Variants in SEMA6D observed in about 807,000 individuals in gnomAD.
SEMA6D encodes semaphorin 6D, also known as semaphorin-6D.
A neutral mutation model predicts 106.6 loss-of-function variants in SEMA6D; 35 were observed. The observed-to-expected ratio is 0.33, with a 90% CI of 0.25 to 0.44. SEMA6D has a LOEUF of 0.44. Among genes scored for constraint, SEMA6D ranks in the 20% least tolerant of loss-of-function variants. SEMA6D has a pLI of 1.00. For synonymous variants in SEMA6D, 499 were observed against 487.7 expected (o/e 1.02, Z -0.31); for missense variants, 1,185 against 1,345.9 (o/e 0.88, Z 1.87).
chr15:47,653,259 A>G (rs1189495349), intron 4 of SEMA6D, among the ~76,000 whole-genome samples: 1 of 152,256 alleles, frequency 6.6e-6, no homozygotes, highest in Admixed American at 6.5e-5. Context: ...ACCTGAAGCT[A>G]TTCGCATGTA....
intron 1 of SEMA6D, among the ~76,000 whole-genome samples, chr15:47,737,082 G>T (rs1326985235): frequency 6.6e-6 from 1 of 152,014 alleles, no homozygotes; most frequent in African/African-American, 2.4e-5. Context: ...GAGGTAGGAA[G>T]GAAAAAGTAG....
chr15:47,727,516 A>G (rs1401361697), intron 1 of SEMA6D, among the ~76,000 whole-genome samples: 1 of 152,220 alleles, frequency 6.6e-6, no homozygotes. Flanking sequence ...CCTCAGGGCT[A>G]CTGTTGGCAG....
intron 4 of SEMA6D, among the ~76,000 whole-genome samples, chr15:47,633,514 A>G (rs1346735688): frequency 6.6e-6 from 1 of 152,082 alleles, no homozygotes; most frequent in Non-Finnish European, 1.5e-5. Flanking sequence ...ATTCCCCATG[A>G]GTTATGTATC....
chr15:47,371,298 A>T (rs1274978101), intron 1 of SEMA6D, among the ~76,000 whole-genome samples: 2 of 152,180 alleles, frequency 1.3e-5, no homozygotes, highest in Non-Finnish European at 2.9e-5. Context: ...CACATGTTTA[A>T]CTCCTATCTT....
At chr15:47,519,333 G>A (rs2044494895) in intron 3 of SEMA6D, among the ~76,000 whole-genome samples, 1 of 152,106 alleles carries the variant, frequency 6.6e-6, no homozygotes, top group African/African-American at 2.4e-5. Context: ...GATAGCCAGG[G>A]CATCACTAGG....
intron 3 of SEMA6D, among the ~76,000 whole-genome samples, chr15:47,516,884 A>G (rs1486239653): frequency 6.6e-6 from 1 of 152,136 alleles, no homozygotes; most frequent in Non-Finnish European, 1.5e-5. Context: ...TGAATAATTC[A>G]TTTTTTTGTA....
intron 1 of SEMA6D, among the ~76,000 whole-genome samples, chr15:47,203,058 G>T (rs904543296): frequency 6.6e-6 from 1 of 152,074 alleles, no homozygotes; most frequent in African/African-American, 2.4e-5. Flanking sequence ...TTCAAAAGGA[G>T]TCTGAACTGT....
chr15:47,712,622 T>G (rs1198447517), upstream of SEMA6D, among the ~76,000 whole-genome samples: 3 of 152,224 alleles, frequency 2.0e-5, no homozygotes, highest in African/African-American at 7.2e-5. Context: ...AGGTTTGTTT[T>G]TAAAAACCAA....
At chr15:47,397,036 G>A (rs2040234447) in intron 1 of SEMA6D, among the ~76,000 whole-genome samples, 1 of 152,102 alleles carries the variant, frequency 6.6e-6, no homozygotes, top group Admixed American at 6.5e-5. Context: ...ACAAGTGTGG[G>A]GTCCTCTTGG....
At chr15:47,349,223 C>T (rs1202517523) in intron 1 of SEMA6D, among the ~76,000 whole-genome samples, 1 of 152,056 alleles carries the variant, frequency 6.6e-6, no homozygotes, top group African/African-American at 2.4e-5. Context: ...GCAATACAGC[C>T]AGGAATATTG....
chr15:47,520,649 C>T (rs1013794940), intron 3 of SEMA6D, among the ~76,000 whole-genome samples: 1 of 152,212 alleles, frequency 6.6e-6, no homozygotes, highest in Non-Finnish European at 1.5e-5. Flanking sequence ...GAGAAGTATT[C>T]TGTGAACACC....
intron 1 of SEMA6D, chr15:47,241,324 A>C (rs2141766803): frequency 6.6e-6 from 1 of 152,280 alleles, no homozygotes; most frequent in Non-Finnish European, 1.5e-5. Context: ...AAACGACCGA[A>C]ATCAAAAGAA....
chr15:47,731,413 C>T (rs2080116614), intron 1 of SEMA6D, among the ~76,000 whole-genome samples: 1 of 151,966 alleles, frequency 6.6e-6, no homozygotes, highest in African/African-American at 2.4e-5. Context: ...ACAGCTTGTG[C>T]TTCAGAAATT....
chr15:47,229,037 C>T (rs1440274747), intron 1 of SEMA6D, among the ~76,000 whole-genome samples: 1 of 151,924 alleles, frequency 6.6e-6, no homozygotes, highest in Non-Finnish European at 1.5e-5. Context: ...TACTTTACAC[C>T]TAGGAAACTG....
At position 47,557,215 on chromosome 15, in the gene SEMA6D, A is replaced by G. The variant is rs139991288; in HGVS notation, c.-86-43650A>G. 2.1e-3 allele frequency among the ~76,000 whole-genome samples: 323 copies of G among 152,284 alleles called. 1 individual carries two copies. Among genetic ancestry groups the G allele is most frequent in the African/African-American group, 7.6e-3 (317 of 41,570 alleles). On this transcript the variant is annotated intron_variant, in intron 3 of 19. Transcript: ENST00000558014. ...TCACTTCATGTAAAATGACAGGAGT[A>G]AAGTACATGTCTGTGGGGGTGCCTG...
At chr15:47,501,079 T>C (rs2043832598) in intron 3 of SEMA6D, among the ~76,000 whole-genome samples, 1 of 152,180 alleles carries the variant, frequency 6.6e-6, no homozygotes, top group Non-Finnish European at 1.5e-5. Context: ...TGAAGGTAAT[T>C]CTGACCCCTG....
chr15:47,216,380 TA>T (rs2030604070), intron 1 of SEMA6D, among the ~76,000 whole-genome samples: 1 of 152,192 alleles, frequency 6.6e-6, no homozygotes, highest in Non-Finnish European at 1.5e-5. Context: ...CTTGGTAGTA[TA>T]TTTAAAGCCG....
At chr15:47,356,004 G>A (rs1174512167) in intron 1 of SEMA6D, among the ~76,000 whole-genome samples, 1 of 152,196 alleles carries the variant, frequency 6.6e-6, no homozygotes, top group African/African-American at 2.4e-5. Flanking sequence ...TCCAAAGAGG[G>A]ACAGTCTAAC....
chr15:47,600,616 G>A (rs1326765063), intron 3 of SEMA6D, among the ~76,000 whole-genome samples: 1 of 152,134 alleles, frequency 6.6e-6, no homozygotes, highest in Non-Finnish European at 1.5e-5. Context: ...TCTACTGGTG[G>A]ATGCTTTTCC....
Sources: gnomAD v4.1 joint callset for allele counts (sites outside exome capture counted in the v4.1 genomes callset) on GRCh38, gnomAD v4.1.1 for gene constraint, MANE v1.5 for transcripts, NCBI Gene and HGNC (gene_info 2026-07-23, HGNC 2026-07-21) for gene names.